Variants in ADGRL3 observed in about 807,000 individuals in gnomAD.
The protein encoded by ADGRL3 is calcium-independent alpha-latrotoxin receptor 3.
Under a neutral mutation model 153.5 loss-of-function variants are expected in ADGRL3, and 62 were observed. The observed-to-expected ratio is 0.40, with a 90% CI of 0.33 to 0.50. The LOEUF is 0.50. Ranked by LOEUF, ADGRL3 falls within the 20% of genes least tolerant of loss-of-function variation. ADGRL3 has a pLI of 0.47. For missense variants in ADGRL3, 1,641 were observed against 1,859.4 expected (o/e 0.88, Z 2.16); for synonymous variants, 710 against 672.5 (o/e 1.06, Z -0.86).
intron 1 of ADGRL3, among the ~76,000 whole-genome samples, chr4:61,271,690 C>G (rs186631800): frequency 6.6e-6 from 1 of 151,928 alleles, no homozygotes; most frequent in East Asian, 1.9e-4. Context: ...GCATTCATGG[C>G]CAGCCCAGAA....
intron 9 of ADGRL3, among the ~76,000 whole-genome samples, chr4:61,823,717 C>T (rs764395991): frequency 6.6e-6 from 1 of 152,116 alleles, no homozygotes; most frequent in African/African-American, 2.4e-5. Context: ...GGCAGTTTTT[C>T]ATGTATATGA....
At chr4:61,597,412 T>A (rs1477090910) in intron 5 of ADGRL3, among the ~76,000 whole-genome samples, 1 of 152,094 alleles carries the variant, frequency 6.6e-6, no homozygotes, top group East Asian at 1.9e-4. Flanking sequence ...TTGAATTATT[T>A]AGAGCCACTT....
intron 4 of ADGRL3, among the ~76,000 whole-genome samples, chr4:61,581,934 C>G (rs182656505): frequency 6.6e-6 from 1 of 151,994 alleles, no homozygotes; most frequent in African/African-American, 2.4e-5. Flanking sequence ...TATGAAATAG[C>G]CTTCTAATTT....
At chr4:61,985,714 C>T (rs960381054) in intron 19 of ADGRL3, among the ~76,000 whole-genome samples, 3 of 152,122 alleles carry the variant, frequency 2.0e-5, no homozygotes, top group African/African-American at 4.8e-5. Flanking sequence ...CTATTTTAAG[C>T]ACCAACAATA....
At chr4:62,041,467 G>T (rs1309162975) in intron 24 of ADGRL3, among the ~76,000 whole-genome samples, 1 of 151,896 alleles carries the variant, frequency 6.6e-6, no homozygotes, top group Non-Finnish European at 1.5e-5. Flanking sequence ...AGTGAAATAT[G>T]TATATGAAAT....
At chr4:61,558,510 A>G (rs898129698) in intron 4 of ADGRL3, among the ~76,000 whole-genome samples, 1 of 151,844 alleles carries the variant, frequency 6.6e-6, no homozygotes, top group Admixed American at 6.6e-5. Flanking sequence ...CTCTTTTTAG[A>G]GATCGCTCTC....
intron 4 of ADGRL3, among the ~76,000 whole-genome samples, chr4:61,540,866 A>G (rs569087583): frequency 1.3e-5 from 2 of 152,240 alleles, no homozygotes; most frequent in Non-Finnish European, 2.9e-5. Flanking sequence ...ATCTTTGGGT[A>G]TACAAAAGAA....
At chr4:61,570,667 A>C (rs919697492) in intron 4 of ADGRL3, among the ~76,000 whole-genome samples, 5 of 152,162 alleles carry the variant, frequency 3.3e-5, no homozygotes, top group African/African-American at 1.2e-4. Flanking sequence ...TCACAATCGG[A>C]AATTAAGCTC....
At chr4:61,629,544 C>T (rs2093028388) in intron 5 of ADGRL3, among the ~76,000 whole-genome samples, 1 of 150,662 alleles carries the variant, frequency 6.6e-6, no homozygotes, top group Admixed American at 6.6e-5. Context: ...TGGTAAAATC[C>T]CCTCTCTACT....
intron 4 of ADGRL3, among the ~76,000 whole-genome samples, chr4:61,583,249 C>T (rs2098933437): frequency 1.3e-5 from 2 of 151,996 alleles, no homozygotes; most frequent in African/African-American, 4.8e-5. Flanking sequence ...AGAGGAGTCA[C>T]CTGACTCTTG....
chr4:61,647,593 G>A (rs2094076264), intron 5 of ADGRL3, among the ~76,000 whole-genome samples: 1 of 152,032 alleles, frequency 6.6e-6, no homozygotes, highest in Admixed American at 6.6e-5. Context: ...AGAGGATTAT[G>A]AGAACATCAT....
At position 61,303,121 on chromosome 4, in the gene ADGRL3, T is replaced by C. The variant is rs146446230; in HGVS notation, c.-239-80003T>C. ...ATGTGACTATCCAAATTTAGAACCA[T>C]TGTTGATAGAATTAACACACCAAAC... On this transcript the variant is annotated intron_variant, in intron 1 of 26. Transcript: ENST00000683033. Among the ~76,000 whole-genome samples, 537 of 152,294 alleles carry C rather than the reference T, an allele frequency of 3.5e-3. 5 individuals are homozygous for C. Among genetic ancestry groups the C allele is most frequent in the Non-Finnish European group, 4.9e-3 (332 of 68,008 alleles).
At chr4:62,021,154 T>C (rs2099236340) in intron 21 of ADGRL3, among the ~76,000 whole-genome samples, 2 of 152,076 alleles carry the variant, frequency 1.3e-5, no homozygotes, top group South Asian at 4.1e-4. Context: ...CGAAGGTCAA[T>C]ACACAACAGC....
rs116574253 is a variant in ADGRL3 at position 61,980,276 on chromosome 4, C to T, written c.3015+504C>T. ...CATCTGTGCTTCCTCTGTTTATCCC[C>T]CCTTTCCCACTAACCTCTGGTAACC... On this transcript the variant is annotated intron_variant, in intron 18 of 26. Coordinates refer to ENST00000683033, the MANE Select transcript of ADGRL3 (RefSeq NM_001387552.1). 6.5e-3 allele frequency among the ~76,000 whole-genome samples: 963 copies of T among 147,608 alleles called. 17 individuals carry two copies. The highest frequency in any genetic ancestry group is 0.022 in the African/African-American group (906 of 40,400).
At chr4:61,978,666 T>C (rs1260551095) in intron 17 of ADGRL3, among the ~76,000 whole-genome samples, 1 of 151,930 alleles carries the variant, frequency 6.6e-6, no homozygotes, top group Non-Finnish European at 1.5e-5. Flanking sequence ...GTTCTGAATC[T>C]TAGAACAAGG....
chr4:61,222,626 G>T (rs914853890), intron 1 of ADGRL3, among the ~76,000 whole-genome samples: 5 of 152,170 alleles, frequency 3.3e-5, no homozygotes, highest in Non-Finnish European at 1.5e-5. Flanking sequence ...CATTGGAAAT[G>T]CCAGTGAGAA....
intron 1 of ADGRL3, among the ~76,000 whole-genome samples, chr4:61,340,522 T>G (rs1158587449): frequency 5.3e-5 from 8 of 152,120 alleles, no homozygotes; most frequent in Admixed American, 2.0e-4. Context: ...TGTCATCGGA[T>G]ACATCTTTCT....
In ADGRL3 at chr4:61,623,111, A is replaced by G. The variant is rs111674789; in HGVS notation, c.473+35671A>G. ...TAACCAAGCATTAATCTTTCCCACA[A>G]TGGCCTGGAATAACACGTATACCAA... On this transcript the variant is annotated intron_variant, in intron 5 of 26. Coordinates refer to ENST00000683033, the MANE Select transcript of ADGRL3 (RefSeq NM_001387552.1). Among the ~76,000 whole-genome samples the G allele has an allele frequency of 3.3e-4, 50 of 152,200 alleles. 2 individuals carry two copies. Among genetic ancestry groups the G allele is most frequent in the African/African-American group, 1.2e-3 (49 of 41,542 alleles).
At chr4:61,417,205 C>T (rs1250513333) in intron 2 of ADGRL3, among the ~76,000 whole-genome samples, 1 of 152,038 alleles carries the variant, frequency 6.6e-6, no homozygotes, top group Non-Finnish European at 1.5e-5. Context: ...AAATAATTGA[C>T]AAACAAGACC....
Sources: allele counts gnomAD v4.1 joint callset (sites outside exome capture counted in the v4.1 genomes callset), GRCh38; gene constraint gnomAD v4.1.1; transcripts MANE v1.5; gene names NCBI Gene and HGNC (gene_info 2026-07-23, HGNC 2026-07-21).